ATAD2B: variants seen among roughly 807,000 people sequenced by gnomAD.
The protein encoded by ATAD2B is ATPase family AAA domain containing 2B.
In ATAD2B, 40 loss-of-function variants were observed where a neutral mutation model predicts 167.6. The ratio of observed to expected loss-of-function variants is 0.24; its 90% confidence interval spans 0.19 to 0.31. The LOEUF is 0.31. Ranked by LOEUF, ATAD2B falls within the 10% of genes least tolerant of loss-of-function variation. The pLI is 1.00. For synonymous variants in ATAD2B, 579 were observed against 596.5 expected (o/e 0.97, Z 0.43); for missense variants, 1,242 against 1,757.2 (o/e 0.71, Z 5.24).
the ATAD2B span, among the ~76,000 whole-genome samples, chr2:23,701,190 C>CT: frequency 7.7e-5 from 1 of 13,044 alleles, no homozygotes; most frequent in South Asian, 0.012. Context: ...TCCTTGGCAA[C>CT]TATCTCAATG....
intron 24 of ATAD2B, among the ~76,000 whole-genome samples, chr2:23,759,301 A>C (rs1296436025): frequency 6.6e-6 from 1 of 152,210 alleles, no homozygotes; most frequent in Non-Finnish European, 1.5e-5. Flanking sequence ...TCCTGGGCAA[A>C]GATATTTTTT....
chr2:23,696,699 G>C, the ATAD2B span: 14 of 551,856 alleles, frequency 2.5e-5, no homozygotes, highest in Non-Finnish European at 3.8e-5. This position sits in a 1 kb window ranked among gnomAD's most constrained non-coding sequence, Gnocchi z 5.5. Flanking sequence ...GATACAAGCA[G>C]ATGGGATGAC....
intron 1 of ATAD2B, among the ~76,000 whole-genome samples, chr2:23,922,743 A>G (rs1219185599): frequency 4.6e-5 from 7 of 150,708 alleles, no homozygotes; most frequent in Non-Finnish European, 1.0e-4. Flanking sequence ...GACACCTGTC[A>G]GGTATATAAA....
intron 7 of ATAD2B, 50 bp from the exon 8 acceptor site, chr2:23,875,954 T>A: frequency 1.5e-6 from 2 of 1,308,766 alleles, no homozygotes; most frequent in South Asian, 2.6e-5. Flanking sequence ...AATTGATAAA[T>A]TAATGTATTA....
chr2:23,769,457 A>C (rs1677967878), intron 22 of ATAD2B, among the ~76,000 whole-genome samples: 1 of 152,100 alleles, frequency 6.6e-6, no homozygotes, highest in Admixed American at 6.6e-5. Flanking sequence ...ATTTATAAAT[A>C]AATAAATAAA....
intron 24 of ATAD2B, among the ~76,000 whole-genome samples, chr2:23,759,529 T>C (rs1363258174): frequency 2.0e-5 from 3 of 152,164 alleles, no homozygotes; most frequent in African/African-American, 7.2e-5. Context: ...CTCTGTAAAT[T>C]CACAAGAAAT....
chr2:23,902,725 C>T (rs1452779150), intron 1 of ATAD2B, among the ~76,000 whole-genome samples: 3 of 152,056 alleles, frequency 2.0e-5, no homozygotes, highest in Non-Finnish European at 4.4e-5. Flanking sequence ...TACTGATGAC[C>T]TACTATGTAC....
chr2:23,740,732 C>T, the ATAD2B span, among the ~76,000 whole-genome samples: 10 of 152,204 alleles, frequency 6.6e-5, no homozygotes, highest in Non-Finnish European at 1.2e-4. Context: ...AAATAAAGGG[C>T]ATTCGATTAG....
intron 2 of ATAD2B, 26 bp downstream of exon 2, chr2:23,895,793 A>G (rs754134139): frequency 2.5e-5 from 39 of 1,545,794 alleles, no homozygotes; most frequent in Non-Finnish European, 3.4e-5. Flanking sequence ...TTAAGAAAAA[A>G]CAATCAATGA....
chr2:23,881,392 GTC>G (rs1214506659), intron 6 of ATAD2B, among the ~76,000 whole-genome samples: 1 of 125,670 alleles, frequency 8.0e-6, no homozygotes, highest in African/African-American at 3.0e-5. Flanking sequence ...TTGACACAGA[GTC>G]TCTGTCGCCA....
At chr2:23,885,574 A>G (rs139745666) in intron 5 of ATAD2B, among the ~76,000 whole-genome samples, 153 bp downstream of exon 5, 76 of 152,360 alleles carry the variant, frequency 5.0e-4, no homozygotes, top group African/African-American at 1.8e-3. Context: ...AAGAAAAGAA[A>G]CAAGCAAGCA....
At position 23,869,737 on chromosome 2, in the gene ATAD2B, A is replaced by G; in HGVS notation, c.1002T>C (p.Ser334=). The change falls in exon 9 of 28, where the codon AGT becomes AGC. Residue 334 remains serine, a synonymous_variant. Transcript: ENST00000238789. ...HIRRKKHAIH[S]SDTTSSDEER... ...CCTCATCAGAAGAAGTTGTGTCACTACTATGAATGGCATGCTTCTTTCTCC... is the reference window on the plus strand; with the variant it reads ...CCTCATCAGAAGAAGTTGTGTCACTGCTATGAATGGCATGCTTCTTTCTCC... The G allele has an allele frequency of 6.4e-7, 1 of 1,565,606 alleles. No individual in the cohort carries two copies. Among genetic ancestry groups the G allele is most frequent in the Non-Finnish European group, 8.7e-7 (1 of 1,153,114 alleles).
intron 1 of ATAD2B, among the ~76,000 whole-genome samples, chr2:23,922,760 C>T (rs1056822876): frequency 4.1e-5 from 6 of 147,990 alleles, no homozygotes; most frequent in Non-Finnish European, 7.4e-5. Context: ...TAAAAAGGTG[C>T]TCAACATTAC....
At chr2:23,733,564 A>G in the ATAD2B span, among the ~76,000 whole-genome samples, 1 of 152,188 alleles carries the variant, frequency 6.6e-6, no homozygotes, top group Non-Finnish European at 1.5e-5. Flanking sequence ...TTCAAGCTTT[A>G]GATATATTTA....
At chr2:23,696,471 T>G in the ATAD2B span, 1 of 1,546,782 alleles carries the variant, frequency 6.5e-7, no homozygotes, top group Non-Finnish European at 8.7e-7. This position sits in a 1 kb window ranked among gnomAD's most constrained non-coding sequence, Gnocchi z 5.5. Context: ...ATTTACACCC[T>G]CGGGGGACTT....
At chr2:23,797,488 T>C (rs1682805240) in intron 19 of ATAD2B, among the ~76,000 whole-genome samples, 1 of 152,112 alleles carries the variant, frequency 6.6e-6, no homozygotes, top group South Asian at 2.1e-4. Flanking sequence ...TCTCATCAAA[T>C]GACCCCACAG....
intron 12 of ATAD2B, among the ~76,000 whole-genome samples, chr2:23,863,108 A>G (rs1694660290): frequency 6.6e-6 from 1 of 152,156 alleles, no homozygotes; most frequent in Non-Finnish European, 1.5e-5. Context: ...GGAGTTCGAG[A>G]CCAGCTGGCC....
the ATAD2B span, among the ~76,000 whole-genome samples, chr2:23,722,622 G>T: frequency 6.6e-6 from 1 of 152,118 alleles, no homozygotes; most frequent in Non-Finnish European, 1.5e-5. Context: ...GGGCATTCCA[G>T]GAGATAAAAA....
chr2:23,891,019 G>GTT (rs1304538422), intron 2 of ATAD2B, among the ~76,000 whole-genome samples: 4 of 135,486 alleles, frequency 3.0e-5, no homozygotes, highest in African/African-American at 5.2e-5. Flanking sequence ...AATATACTGA[G>GTT]ATTTTTTTTT....
Sources: allele counts gnomAD v4.1 joint callset (sites outside exome capture counted in the v4.1 genomes callset), GRCh38; gene constraint gnomAD v4.1.1; non-coding constraint Gnocchi (gnomAD v3.1); transcripts MANE v1.5; gene names NCBI Gene and HGNC (gene_info 2026-07-23, HGNC 2026-07-21).